PIK3AP1: variants seen among roughly 807,000 people sequenced by gnomAD.
The protein encoded by PIK3AP1 is phosphoinositide-3-kinase adaptor protein 1.
PIK3AP1 carries 21 observed loss-of-function variants against 88.1 expected under a neutral mutation model. The ratio of observed to expected loss-of-function variants is 0.24; its 90% CI spans 0.17 to 0.34. PIK3AP1 has a LOEUF of 0.34. Ranked by LOEUF, PIK3AP1 falls within the 10% of genes least tolerant of loss-of-function variation. The pLI is 1.00. For synonymous variants in PIK3AP1, 398 were observed against 400.0 expected, an observed-to-expected ratio of 1.00 and a Z score of 0.06; for missense variants, 828 against 1,035.7, an observed-to-expected ratio of 0.80 and a Z score of 2.75.
chr10:96,628,883 T>C (rs200437865), intron 8 of PIK3AP1, among the ~76,000 whole-genome samples: 1,244 of 12,502 alleles, frequency 0.1, 155 homozygotes, highest in East Asian at 0.28. Context: ...CACATATATA[T>C]ATATACATAT....
intron 1 of PIK3AP1, among the ~76,000 whole-genome samples, chr10:96,717,409 C>T (rs565724490): frequency 2.6e-5 from 4 of 152,226 alleles, no homozygotes; most frequent in South Asian, 2.1e-4. Flanking sequence ...TGAATCTGAA[C>T]ACCATATTTG....
intron 9 of PIK3AP1, among the ~76,000 whole-genome samples, chr10:96,627,182 A>T (rs915103116): frequency 3.3e-5 from 5 of 152,208 alleles, no homozygotes; most frequent in African/African-American, 9.6e-5. Context: ...TCAGTTATTC[A>T]TCCCATTAGA....
chr10:96,649,107 C>T (rs912484), intron 6 of PIK3AP1, among the ~76,000 whole-genome samples: 38,579 of 151,942 alleles, frequency 0.25, 5,391 homozygotes, highest in East Asian at 0.45. Context: ...AGTGCAGTGG[C>T]GCGATCTTGG....
At chr10:96,694,807 G>A (rs1844200021) in intron 2 of PIK3AP1, among the ~76,000 whole-genome samples, 1 of 152,100 alleles carries the variant, frequency 6.6e-6, no homozygotes, top group African/African-American at 2.4e-5. Context: ...CCAAAGTGCT[G>A]CACTGGCCCT....
rs866929696 is a variant in PIK3AP1, at chr10:96,640,957, C to T, written c.1375+4516G>A. 2.0e-4 allele frequency among the ~76,000 whole-genome samples: 31 copies of T among 152,206 alleles called. No individual in the cohort carries two copies. The Middle Eastern group carries it at 0.02, about 100-fold the overall frequency. On this transcript the variant is annotated intron_variant, in intron 8 of 16. Transcript: ENST00000339364. ...GGATTACGGGCATGAGCCACCATGC[C>T]CGGCTGATCTGTGGGGCCTTGATCA... is the stretch of plus-strand genomic sequence containing the variant.
chr10:96,598,053 TTTTTTTTTG>T (rs1564948628), intron 16 of PIK3AP1, among the ~76,000 whole-genome samples: 3 of 149,940 alleles, frequency 2.0e-5, no homozygotes, highest in African/African-American at 7.4e-5. Flanking sequence ...TGTTTTTTTT[TTTTTTTTTG>T]AGACATGGAC....
intron 8 of PIK3AP1, chr10:96,633,190 C>A: frequency 9.3e-7 from 1 of 1,072,404 alleles, no homozygotes; most frequent in Non-Finnish European, 1.3e-6. Context: ...ATTTCTAGTT[C>A]CTGTACAGAT....
intron 8 of PIK3AP1, among the ~76,000 whole-genome samples, chr10:96,633,713 G>A (rs1287905248): frequency 4.6e-5 from 7 of 152,158 alleles, no homozygotes; most frequent in Non-Finnish European, 1.0e-4. Context: ...TCAAAGTAAT[G>A]AATGCTTATG....
intron 13 of PIK3AP1, among the ~76,000 whole-genome samples, chr10:96,613,878 C>T (rs1310421806): frequency 6.6e-6 from 1 of 152,194 alleles, no homozygotes; most frequent in African/African-American, 2.4e-5. Flanking sequence ...CCAACTCATT[C>T]AATGCTCCCT....
At chr10:96,662,888 C>CAAAAAAA (rs749898725) in intron 2 of PIK3AP1, among the ~76,000 whole-genome samples, 248 of 22,532 alleles carry the variant, frequency 0.011, 22 homozygotes, top group Admixed American at 0.019. Context: ...GACTCCGTCT[C>CAAAAAAA]AAAAAAAAAA....
intron 1 of PIK3AP1, among the ~76,000 whole-genome samples, chr10:96,711,911 C>T (rs1034811073): frequency 6.6e-6 from 1 of 151,394 alleles, no homozygotes; most frequent in Non-Finnish European, 1.5e-5. Context: ...CCATCACGCC[C>T]GGCTAATTTT....
chr10:96,715,662 G>A (rs537353954), intron 1 of PIK3AP1, among the ~76,000 whole-genome samples: 23 of 152,088 alleles, frequency 1.5e-4, no homozygotes, highest in South Asian at 2.1e-4. Flanking sequence ...AGGCCAAGGC[G>A]GGTGGATCAC....
In PIK3AP1 at chr10:96,620,394, C is replaced by T. The variant is rs1370832255; in HGVS notation, c.1899G>A (p.Gln633=). The change falls in exon 12 of 17, where the codon CAG becomes CAA. Residue 633 remains glutamine (Q), a synonymous_variant. Transcript: ENST00000339364. ...ACTCCGATCGTTTCTTCTGGTTGAG[C>T]TGCCACTCTTTGAAGTGGAGCACAG... ...DEAVLHFKEW[Q]LNQKKRSESF... is the part of the protein sequence containing the mutation. 6.2e-7 allele frequency: 1 copy of T among 1,614,204 alleles called. No homozygotes were observed. The highest frequency in any genetic ancestry group is 1.3e-5 in the African/African-American group (1 of 75,058).
chr10:96,690,159 A>T (rs1264063036), intron 2 of PIK3AP1, among the ~76,000 whole-genome samples: 4 of 152,234 alleles, frequency 2.6e-5, no homozygotes, highest in African/African-American at 9.6e-5. Flanking sequence ...ACAGCAAAGT[A>T]TAGAGGATGA....
At chr10:96,603,030 C>T (rs1848929392) in intron 15 of PIK3AP1, among the ~76,000 whole-genome samples, 1 of 152,164 alleles carries the variant, frequency 6.6e-6, no homozygotes, top group African/African-American at 2.4e-5. Context: ...TAATCCAGAC[C>T]CAGAGCACGG....
chr10:96,661,381 AT>A (rs1469005312), intron 2 of PIK3AP1, among the ~76,000 whole-genome samples: 1 of 152,198 alleles, frequency 6.6e-6, no homozygotes, highest in Non-Finnish European at 1.5e-5. Flanking sequence ...GTTATTAGAC[AT>A]TTGTCCACAC....
At chr10:96,709,545 T>C (rs935068239) in intron 2 of PIK3AP1, 22 bp downstream of exon 2, 4 of 1,576,076 alleles carry the variant, frequency 2.5e-6, no homozygotes, top group Non-Finnish European at 3.5e-6. Context: ...AGGGCTTGCT[T>C]ATCTTTAGAA....
At chr10:96,667,793 C>T (rs1284031966) in intron 2 of PIK3AP1, among the ~76,000 whole-genome samples, 1 of 97,342 alleles carries the variant, frequency 1.0e-5, no homozygotes, top group Admixed American at 1.0e-4. Context: ...CCACTTAAAT[C>T]AAAAAGAAAA....
chr10:96,649,446 G>A (rs917881987), intron 6 of PIK3AP1, among the ~76,000 whole-genome samples: 8 of 152,190 alleles, frequency 5.3e-5, no homozygotes, highest in African/African-American at 1.9e-4. Flanking sequence ...AAATGTGCCG[G>A]GTTTGTTTAA....
Sources: gnomAD v4.1 joint callset for allele counts (sites outside exome capture counted in the v4.1 genomes callset) on GRCh38, gnomAD v4.1.1 for gene constraint, MANE v1.5 for transcripts, NCBI Gene and HGNC (gene_info 2026-07-23, HGNC 2026-07-21) for gene names.